The following CCSER2 variants were observed in gnomAD, a reference collection of about 807,000 sequenced individuals.
CCSER2 encodes the protein serine-rich coiled-coil domain-containing protein 2.
Under a neutral mutation model 92.3 loss-of-function variants are expected in CCSER2, and 46 were observed. That is an observed-to-expected ratio of 0.50 (90% CI 0.39 to 0.64). The LOEUF (loss-of-function observed/expected upper bound fraction) is 0.64, where lower values mean the gene tolerates loss of function less well. Ranked by LOEUF, CCSER2 falls within the 30% of genes least tolerant of loss-of-function variation. The pLI is 0.00. For synonymous variants in CCSER2, 433 were observed against 431.4 expected (o/e 1.00, Z -0.04); for missense variants, 1,244 against 1,238.9 (o/e 1.00, Z -0.06).
At chr10:84,372,500 T>G in intron 2 of CCSER2, 31 bp downstream of exon 2, 1 of 1,292,192 alleles carries the variant, frequency 7.7e-7, no homozygotes, top group Admixed American at 2.3e-5. Context: ...GTTTTTTTGC[T>G]TTCTTTTAAA....
At chr10:84,454,099 C>T (rs556716880) in intron 6 of CCSER2, among the ~76,000 whole-genome samples, 14 of 152,224 alleles carry the variant, frequency 9.2e-5, no homozygotes, top group African/African-American at 2.2e-4. Context: ...AAAACCAAGG[C>T]GTTGTCATCA....
intron 4 of CCSER2, among the ~76,000 whole-genome samples, chr10:84,422,795 A>G (rs570367610): frequency 1.3e-5 from 2 of 152,272 alleles, no homozygotes; most frequent in East Asian, 1.9e-4. Context: ...TGGCTCACGC[A>G]TGTAATTCCA....
chr10:84,452,841 C>T (rs1391356854), intron 6 of CCSER2, among the ~76,000 whole-genome samples: 1 of 152,076 alleles, frequency 6.6e-6, no homozygotes, highest in East Asian at 1.9e-4. Flanking sequence ...CCCCCCTCCC[C>T]CCACCAAATG....
intron 3 of CCSER2, among the ~76,000 whole-genome samples, chr10:84,400,016 A>G (rs1349207036): frequency 6.6e-6 from 1 of 151,114 alleles, no homozygotes; most frequent in Non-Finnish European, 1.5e-5. Flanking sequence ...TTGTGTGTTT[A>G]TTGTCTATTT....
At chr10:84,419,355 C>CAA (rs538991185) in intron 4 of CCSER2, among the ~76,000 whole-genome samples, 3 of 91,506 alleles carry the variant, frequency 3.3e-5, no homozygotes, top group African/African-American at 7.1e-5. Context: ...GCTCCCTTCT[C>CAA]AAAAAAAAAA....
At chr10:84,506,892 C>T (rs1564734244) in intron 9 of CCSER2, among the ~76,000 whole-genome samples, 1 of 152,026 alleles carries the variant, frequency 6.6e-6, no homozygotes, top group Non-Finnish European at 1.5e-5. Context: ...TTCATTTCTA[C>T]CTCCTTCATA....
intron 3 of CCSER2, chr10:84,390,941 A>G: frequency 1.3e-6 from 1 of 758,636 alleles, no homozygotes; most frequent in Non-Finnish European, 2.5e-6. Context: ...CCTGTTACTC[A>G]CTTTGCTTAT....
At chr10:84,393,780 TA>T (rs1339106290) in intron 3 of CCSER2, 4 of 152,442 alleles carry the variant, frequency 2.6e-5, no homozygotes, top group African/African-American at 7.2e-5. Flanking sequence ...ATAACCTATT[TA>T]CAAAGTAAGT....
chr10:84,399,994 G>A (rs1367831168), intron 3 of CCSER2, among the ~76,000 whole-genome samples: 1 of 151,820 alleles, frequency 6.6e-6, no homozygotes, highest in Non-Finnish European at 1.5e-5. Context: ...TCTCAAATGA[G>A]GTTGAACTTT....
intron 1 of CCSER2, among the ~76,000 whole-genome samples, chr10:84,353,012 G>A (rs951395169): frequency 6.6e-6 from 1 of 152,084 alleles, no homozygotes; most frequent in Non-Finnish European, 1.5e-5. Context: ...GGCTGGTCTC[G>A]AACTCCTGAC....
intron 3 of CCSER2, among the ~76,000 whole-genome samples, chr10:84,380,625 C>G (rs932609783): frequency 6.6e-6 from 1 of 151,688 alleles, no homozygotes; most frequent in South Asian, 2.1e-4. Flanking sequence ...GGCTCCGGAA[C>G]AAGCTAAGTT....
At chr10:84,399,031 T>A (rs775067877) in intron 3 of CCSER2, among the ~76,000 whole-genome samples, 1 of 152,148 alleles carries the variant, frequency 6.6e-6, no homozygotes, top group Non-Finnish European at 1.5e-5. Flanking sequence ...CCAGAAAGAT[T>A]TTTTAAATTT....
chr10:84,372,461 G>C lies in CCSER2; in HGVS notation c.1409G>C (p.Ser470Thr). Reference sequence around the variant, plus strand: ...AAAACTGATGAATGGATAGATATAAGTGTCTCTGGTAAATATTACTTACCT... The same window carrying C: ...AAAACTGATGAATGGATAGATATAACTGTCTCTGGTAAATATTACTTACCT... ...FSKTDEWIDI[S>T]VSDRSECTKH... Residue 470 changes from serine to threonine, a missense_variant, in exon 2 of 10, where the codon AGT (serine) becomes ACT (threonine). Coordinates refer to ENST00000372088, the MANE Select transcript of CCSER2 (RefSeq NM_001284240.2). The C allele has an allele frequency of 6.5e-7, 1 of 1,542,522 alleles. No homozygotes were observed. Among genetic ancestry groups the C allele is most frequent in the Non-Finnish European group, 8.7e-7 (1 of 1,146,982 alleles).
Position 84,514,114 on chromosome 10 carries a change from A to G in CCSER2, c.2991A>G (p.Gln997=). 1.3e-6 allele frequency: 2 copies of G among 1,536,210 alleles called. No homozygotes were observed. The highest frequency in any genetic ancestry group is 1.7e-6 in the Non-Finnish European group (2 of 1,146,932). Residue 997 remains glutamine, a synonymous_variant, in exon 10 of 10, where the codon CAA becomes CAG. Coordinates refer to ENST00000372088, the MANE Select transcript of CCSER2 (RefSeq NM_001284240.2). ...AACAAAAACAAACAAACAGCCCCCA[A>G]CTAGAGCCTCAAAGCTTCCAGGCCA... ...SFKQKQTNSP[Q]LEPQSFQAKT...
At chr10:84,346,782 T>A (rs929958558) in intron 1 of CCSER2, among the ~76,000 whole-genome samples, 4 of 146,798 alleles carry the variant, frequency 2.7e-5, no homozygotes, top group Non-Finnish European at 6.1e-5. Context: ...ATATATTTAT[T>A]TATTTATTTG....
At position 84,513,852 on chromosome 10, in the gene CCSER2, C is replaced by G. The variant is rs936524864; in HGVS notation, c.2729C>G (p.Pro910Arg). 8 of 1,536,282 alleles carry G rather than the reference C, an allele frequency of 5.2e-6. No homozygotes were observed. The Admixed American group carries it at 1.4e-4, about 26-fold the overall frequency. ...AKRVGRNQSP[P>R]VGYMSQPKSL... is the part of the protein sequence containing the mutation. ...AGAGTTGGAAGAAATCAGTCTCCGCCAGTGGGTTATATGTCTCAGCCCAAG... is the reference window on the plus strand; with the variant it reads ...AGAGTTGGAAGAAATCAGTCTCCGCGAGTGGGTTATATGTCTCAGCCCAAG... Residue 910 changes from proline to arginine, a missense_variant, in exon 10 of 10, where the codon CCA becomes CGA. Physicochemically the swap from Pro to Arg is moderately radical, Grantham distance 103 (BLOSUM62 -2). Transcript: ENST00000372088.
At chr10:84,475,648 C>T (rs1194458704) in intron 8 of CCSER2, among the ~76,000 whole-genome samples, 1 of 151,878 alleles carries the variant, frequency 6.6e-6, no homozygotes, top group Non-Finnish European at 1.5e-5. Flanking sequence ...CAGGTGTGAC[C>T]CCATTATAAA....
At chr10:84,347,313 T>A (rs906192027) in intron 1 of CCSER2, among the ~76,000 whole-genome samples, 1 of 152,102 alleles carries the variant, frequency 6.6e-6, no homozygotes, top group Non-Finnish European at 1.5e-5. Flanking sequence ...GACGGGGTGG[T>A]GGCCAGGCAC....
intron 3 of CCSER2, among the ~76,000 whole-genome samples, chr10:84,382,920 G>A (rs1199533615): frequency 6.6e-6 from 1 of 152,162 alleles, no homozygotes; most frequent in Non-Finnish European, 1.5e-5. Context: ...ATTTTCATGA[G>A]GCTAACACAT....
Sources: gnomAD v4.1 joint callset for allele counts (sites outside exome capture counted in the v4.1 genomes callset) on GRCh38, gnomAD v4.1.1 for gene constraint, MANE v1.5 for transcripts, NCBI Gene and HGNC (gene_info 2026-07-23, HGNC 2026-07-21) for gene names.